Variants in SEC14L1 observed in about 807,000 individuals in gnomAD.
SEC14L1 encodes SEC14-like protein 1.
SEC14L1 carries 48 observed loss-of-function variants against 85.3 expected under a neutral mutation model. The observed-to-expected ratio is 0.56, with a 90% CI of 0.45 to 0.72. The LOEUF is 0.72. Ranked by LOEUF, SEC14L1 falls within the 30% of genes least tolerant of loss-of-function variation. The pLI, the probability that SEC14L1 is intolerant of heterozygous loss-of-function variation, is 0.00. For synonymous variants in SEC14L1, 391 were observed against 355.5 expected (o/e 1.10, Z -1.12); for missense variants, 682 against 921.4 (o/e 0.74, Z 3.36).
At chr17:77,182,303 A>T (rs897900153) in intron 3 of SEC14L1, among the ~76,000 whole-genome samples, 18 of 152,194 alleles carry the variant, frequency 1.2e-4, no homozygotes, top group African/African-American at 4.3e-4. Flanking sequence ...AGCTTTTAAT[A>T]TGTCAAAATT....
At chr17:77,100,998 G>C (rs1971766356) in intron 3 of SEC14L1, among the ~76,000 whole-genome samples, 1 of 152,134 alleles carries the variant, frequency 6.6e-6, no homozygotes, top group South Asian at 2.1e-4. Flanking sequence ...ATTGTTGTTA[G>C]GCCAAATCTA....
intron 3 of SEC14L1, among the ~76,000 whole-genome samples, chr17:77,179,659 T>A (rs1182056877): frequency 6.6e-6 from 1 of 152,030 alleles, no homozygotes; most frequent in Non-Finnish European, 1.5e-5. Context: ...ATGTCTTGGA[T>A]TATGTCAAAT....
At chr17:77,164,751 T>G (rs183095036) in intron 3 of SEC14L1, among the ~76,000 whole-genome samples, 1 of 152,248 alleles carries the variant, frequency 6.6e-6, no homozygotes, top group East Asian at 1.9e-4. Flanking sequence ...TGGGAGGAAG[T>G]TGCTAGGAAA....
At chr17:77,120,437 AC>A (rs914108716) in intron 3 of SEC14L1, among the ~76,000 whole-genome samples, 45 of 151,050 alleles carry the variant, frequency 3.0e-4, no homozygotes, top group African/African-American at 1.0e-3. Flanking sequence ...GAATGCATCC[AC>A]AACCTGAGGC....
chr17:77,117,715 T>A (rs1213480548), intron 3 of SEC14L1, among the ~76,000 whole-genome samples: 1 of 152,236 alleles, frequency 6.6e-6, no homozygotes, highest in Non-Finnish European at 1.5e-5. Flanking sequence ...TTCATTCCAA[T>A]GAAGTTGGGC....
At chr17:77,151,814 G>A (rs1396239253) in intron 3 of SEC14L1, among the ~76,000 whole-genome samples, 1 of 151,944 alleles carries the variant, frequency 6.6e-6, no homozygotes, top group Non-Finnish European at 1.5e-5. Flanking sequence ...ACCAGCCTGG[G>A]CAACGTGGTA....
chr17:77,170,613 G>A (rs975002166), intron 3 of SEC14L1, among the ~76,000 whole-genome samples: 3 of 152,208 alleles, frequency 2.0e-5, no homozygotes, highest in African/African-American at 7.2e-5. Context: ...AGTCCATAAA[G>A]CATTTCATAA....
chr17:77,152,830 A>C (rs1973624467), intron 3 of SEC14L1, among the ~76,000 whole-genome samples: 1 of 152,188 alleles, frequency 6.6e-6, no homozygotes, highest in African/African-American at 2.4e-5. Context: ...GCTTCAAATA[A>C]AGCCATTTGT....
rs759340618 is a variant in SEC14L1 at position 77,191,207 on chromosome 17, T to C, written c.240T>C (p.Phe80=). 1.9e-6 allele frequency: 3 copies of C among 1,613,694 alleles called. No individual in the cohort carries two copies. The highest frequency in any genetic ancestry group is 2.5e-6 in the Non-Finnish European group (3 of 1,179,576). ...KKIAGVDYVY[F]VQKNSLNSRE... is the part of the protein sequence containing the mutation. ...TTGCAGGAGTTGATTATGTTTATTT[T>C]GTCCAGAAAAACTCACTGAATTCTC... Residue 80 remains phenylalanine, a synonymous_variant, in exon 5 of 17, where the codon TTT becomes TTC. Coordinates refer to ENST00000436233, the MANE Select transcript of SEC14L1 (RefSeq NM_001143998.2).
At chr17:77,145,636 A>G (rs1365141277) in intron 3 of SEC14L1, among the ~76,000 whole-genome samples, 2 of 152,126 alleles carry the variant, frequency 1.3e-5, no homozygotes, top group African/African-American at 4.8e-5. Flanking sequence ...TTTTGGTTGT[A>G]TGAGGCAAAG....
chr17:77,201,280 G>A (rs1976127252), intron 9 of SEC14L1, among the ~76,000 whole-genome samples: 1 of 152,184 alleles, frequency 6.6e-6, no homozygotes, highest in Admixed American at 6.5e-5. Flanking sequence ...CAAAGTTTGA[G>A]AGCCGGGCAG....
intron 3 of SEC14L1, among the ~76,000 whole-genome samples, chr17:77,168,110 G>C (rs1974365032): frequency 6.6e-6 from 1 of 152,262 alleles, no homozygotes; most frequent in East Asian, 1.9e-4. Context: ...GAGGGGGTAG[G>C]AGTGGTCTGT....
At chr17:77,150,834 C>G (rs967629186) in intron 3 of SEC14L1, among the ~76,000 whole-genome samples, 8 of 152,216 alleles carry the variant, frequency 5.3e-5, no homozygotes, top group African/African-American at 1.9e-4. Flanking sequence ...ATTCTCTGAG[C>G]TGCCTGTCCC....
chr17:77,125,903 A>C (rs1972434577), intron 3 of SEC14L1, among the ~76,000 whole-genome samples: 1 of 152,166 alleles, frequency 6.6e-6, no homozygotes, highest in Non-Finnish European at 1.5e-5. Flanking sequence ...TGTAATCCCA[A>C]CACTTTGGGA....
At chr17:77,172,843 T>G (rs1974577443) in intron 3 of SEC14L1, among the ~76,000 whole-genome samples, 1 of 152,164 alleles carries the variant, frequency 6.6e-6, no homozygotes, top group Admixed American at 6.5e-5. Context: ...TTCCTTTAAT[T>G]ATCAGTTCTC....
chr17:77,090,097 G>C (rs1971470556), intron 2 of SEC14L1: 1 of 151,924 alleles, frequency 6.6e-6, no homozygotes, highest in Admixed American at 6.6e-5. Flanking sequence ...GGGAGGCCGA[G>C]GCAGGCAGAT....
At chr17:77,174,048 ACAC>A (rs993785416) in intron 3 of SEC14L1, among the ~76,000 whole-genome samples, 10 of 151,820 alleles carry the variant, frequency 6.6e-5, no homozygotes, top group African/African-American at 2.2e-4. Flanking sequence ...CTACAGGCAC[ACAC>A]CACCACACCT....
chr17:77,172,939 G>A (rs937740423), intron 3 of SEC14L1, among the ~76,000 whole-genome samples: 3 of 152,182 alleles, frequency 2.0e-5, no homozygotes, highest in Non-Finnish European at 4.4e-5. Context: ...CAGCTGCTGG[G>A]ACGTTCTGAC....
Position 77,193,523 on chromosome 17 carries a change from A to T in SEC14L1, c.448A>T (p.Lys150Ter). ...AAGTACAGTGGAAAAAATTGCAATG[A>T]AACAATATACCAGCAACATTAAAAA... ...FESTVEKIAM[K>*]QYTSNIKKGK... Residue 150 changes from lysine (K) to a stop codon, truncating the protein, a stop_gained, in exon 6 of 17, where the codon AAA becomes TAA. Coordinates refer to ENST00000436233, the MANE Select transcript of SEC14L1 (RefSeq NM_001143998.2). LOFTEE classifies it high-confidence loss of function. 6.2e-7 allele frequency: 1 copy of T among 1,612,310 alleles called. No homozygotes were observed. Among genetic ancestry groups the T allele is most frequent in the Non-Finnish European group, 8.5e-7 (1 of 1,178,834 alleles).
Sources: gnomAD v4.1 joint callset for allele counts (sites outside exome capture counted in the v4.1 genomes callset) on GRCh38, gnomAD v4.1.1 for gene constraint, MANE v1.5 for transcripts, NCBI Gene and HGNC (gene_info 2026-07-23, HGNC 2026-07-21) for gene names.